The following GALNT13 variants were observed in gnomAD, a reference collection of about 807,000 sequenced individuals.
The protein encoded by GALNT13 is UDP-GalNAc:polypeptide N-acetylgalactosaminyltransferase 13.
In GALNT13, 28 loss-of-function variants were observed where a neutral mutation model predicts 64.2. The ratio of observed to expected loss-of-function variants is 0.44; its 90% CI spans 0.32 to 0.60. The LOEUF (loss-of-function observed/expected upper bound fraction) is 0.60, where lower values mean the gene tolerates loss of function less well. Ranked by LOEUF, GALNT13 falls within the 20% of genes least tolerant of loss-of-function variation. The pLI is 0.05. For missense variants in GALNT13, 577 were observed against 669.8 expected, an observed-to-expected ratio of 0.86 and a Z score of 1.53; for synonymous variants, 214 against 224.6, an observed-to-expected ratio of 0.95 and a Z score of 0.42.
the GALNT13 span, among the ~76,000 whole-genome samples, chr2:153,706,720 T>G: frequency 6.6e-6 from 1 of 152,218 alleles, no homozygotes; most frequent in Non-Finnish European, 1.5e-5. Flanking sequence ...GTGCTTATTT[T>G]CAACTTCCAT....
chr2:153,956,800 C>T (rs1692598294), intron 3 of GALNT13, among the ~76,000 whole-genome samples: 1 of 151,818 alleles, frequency 6.6e-6, no homozygotes, highest in Admixed American at 6.6e-5. Flanking sequence ...CCACCAGACA[C>T]TGGCATTCTA....
chr2:154,366,684 CG>C (rs1697379706), intron 9 of GALNT13, among the ~76,000 whole-genome samples: 1 of 152,054 alleles, frequency 6.6e-6, no homozygotes, highest in Non-Finnish European at 1.5e-5. Flanking sequence ...GTCAAGGAAG[CG>C]GGAATTTGCG....
At chr2:153,695,252 A>T in the GALNT13 span, among the ~76,000 whole-genome samples, 1 of 152,220 alleles carries the variant, frequency 6.6e-6, no homozygotes, top group African/African-American at 2.4e-5. Flanking sequence ...GAAATTAGAT[A>T]TTCAGCATAA....
chr2:153,785,876 G>A, the GALNT13 span, among the ~76,000 whole-genome samples: 1 of 152,088 alleles, frequency 6.6e-6, no homozygotes, highest in East Asian at 1.9e-4. Flanking sequence ...TGGGGACCAG[G>A]GTTTGGTCCT....
intron 3 of GALNT13, among the ~76,000 whole-genome samples, chr2:154,013,697 C>T (rs1314317588): frequency 3.3e-5 from 5 of 152,012 alleles, no homozygotes; most frequent in Admixed American, 1.3e-4. Flanking sequence ...CACACATCAG[C>T]GAGGGCGCAG....
the GALNT13 span, among the ~76,000 whole-genome samples, chr2:153,557,919 A>G: frequency 1.3e-5 from 2 of 152,064 alleles, no homozygotes; most frequent in Non-Finnish European, 2.9e-5. Context: ...CCCAGAGTAT[A>G]CCTTTTCTTC....
At chr2:154,328,927 A>C (rs1695020605) in intron 9 of GALNT13, among the ~76,000 whole-genome samples, 1 of 152,132 alleles carries the variant, frequency 6.6e-6, no homozygotes, top group Admixed American at 6.6e-5. Context: ...AGCATCAATT[A>C]TTTTTCAGAC....
chr2:154,216,574 A>G (rs1688053273), intron 4 of GALNT13, among the ~76,000 whole-genome samples: 1 of 152,078 alleles, frequency 6.6e-6, no homozygotes, highest in Non-Finnish European at 1.5e-5. Flanking sequence ...CCATCTTTTT[A>G]TTAAAATGAG....
intron 10 of GALNT13, among the ~76,000 whole-genome samples, chr2:154,397,216 A>T (rs973176470): frequency 2.0e-5 from 3 of 151,908 alleles, no homozygotes; most frequent in African/African-American, 7.3e-5. Context: ...CAGGCGGATC[A>T]TGAGGCCAGG....
the GALNT13 span, among the ~76,000 whole-genome samples, chr2:153,592,254 A>G: frequency 2.6e-5 from 4 of 152,306 alleles, no homozygotes; most frequent in South Asian, 4.1e-4. Flanking sequence ...AATTAGTACA[A>G]TCTCTCTGGA....
intron 1 of GALNT13, among the ~76,000 whole-genome samples, chr2:153,889,452 A>G (rs545655526): frequency 6.6e-6 from 1 of 152,078 alleles, no homozygotes; most frequent in African/African-American, 2.4e-5. Context: ...CTCTAAAACT[A>G]CTACATGTAG....
At chr2:153,257,463 A>G in the GALNT13 span, among the ~76,000 whole-genome samples, 1 of 152,098 alleles carries the variant, frequency 6.6e-6, no homozygotes, top group Non-Finnish European at 1.5e-5. Context: ...CTATTCAGCC[A>G]TCTTGGCTCC....
At chr2:153,269,049 A>G in the GALNT13 span, among the ~76,000 whole-genome samples, 6 of 152,196 alleles carry the variant, frequency 3.9e-5, no homozygotes, top group Admixed American at 1.3e-4. Flanking sequence ...TGTCTTGGAA[A>G]TTTAACATTT....
At chr2:153,831,244 A>G in the GALNT13 span, among the ~76,000 whole-genome samples, 65,631 of 151,940 alleles carry the variant, frequency 0.43, 15,201 homozygotes, top group Admixed American at 0.59. Context: ...TATCACCCCA[A>G]TCCACTTATA....
At chr2:153,868,161 G>A (rs1185322646), upstream of GALNT13, among the ~76,000 whole-genome samples, 1 of 152,124 alleles carries the variant, frequency 6.6e-6, no homozygotes, top group Admixed American at 6.5e-5. Context: ...GCTCACTGCT[G>A]TATTCCCAGT....
chr2:153,867,276 T>A (rs1055172628), upstream of GALNT13, among the ~76,000 whole-genome samples: 8 of 152,190 alleles, frequency 5.3e-5, no homozygotes, highest in Non-Finnish European at 1.2e-4. Context: ...TCAAGTTTCT[T>A]ATGATCCAGG....
At chr2:153,813,370 T>C in the GALNT13 span, among the ~76,000 whole-genome samples, 3 of 152,216 alleles carry the variant, frequency 2.0e-5, no homozygotes, top group Non-Finnish European at 4.4e-5. Context: ...ATTGCTATGC[T>C]ATCAAAACAG....
chr2:154,413,806 G>T (rs1418850540), intron 11 of GALNT13, among the ~76,000 whole-genome samples: 1 of 151,876 alleles, frequency 6.6e-6, no homozygotes, highest in African/African-American at 2.4e-5. Context: ...AACCTAAACA[G>T]GACACATTTT....
At chr2:153,716,222 G>A in the GALNT13 span, among the ~76,000 whole-genome samples, 1 of 152,186 alleles carries the variant, frequency 6.6e-6, no homozygotes, top group Non-Finnish European at 1.5e-5. Context: ...TAGTCACACT[G>A]AATATCTCAG....
Sources: allele counts gnomAD v4.1 joint callset (sites outside exome capture counted in the v4.1 genomes callset), GRCh38; gene constraint gnomAD v4.1.1; transcripts MANE v1.5; gene names NCBI Gene and HGNC (gene_info 2026-07-23, HGNC 2026-07-21).